The following RELN variants were observed in gnomAD, a reference collection of about 807,000 sequenced individuals.
The protein encoded by RELN is reelin.
Under a neutral mutation model 427.6 loss-of-function variants are expected in RELN, and 108 were observed. The ratio of observed to expected loss-of-function variants is 0.25; its 90% CI spans 0.22 to 0.30. The LOEUF (loss-of-function observed/expected upper bound fraction) is 0.30. RELN is among the 10% of genes least tolerant of loss of function. The probability of loss-of-function intolerance (pLI) is 1.00; values close to 1 mark genes in which losing one functional copy is unlikely to be tolerated. For missense variants in RELN, 3,715 were observed against 4,302.8 expected (o/e 0.86, Z 3.82); for synonymous variants, 1,524 against 1,513.4 (o/e 1.01, Z -0.16).
At chr7:103,919,715 C>T (rs1459656027) in intron 1 of RELN, among the ~76,000 whole-genome samples, 8 of 152,176 alleles carry the variant, frequency 5.3e-5, no homozygotes, top group South Asian at 4.1e-4. Context: ...ACTCACTTTT[C>T]AAGCACTATT....
intron 2 of RELN, among the ~76,000 whole-genome samples, chr7:103,836,453 A>G (rs1226178981): frequency 6.6e-6 from 1 of 152,190 alleles, no homozygotes. Flanking sequence ...GAACATGTCC[A>G]TCATCATAGA....
At chr7:103,472,936 G>T in intron 64 of RELN, 28 bp from the exon 65 acceptor site, 1 of 1,546,816 alleles carries the variant, frequency 6.5e-7, no homozygotes, top group Non-Finnish European at 8.9e-7. Context: ...GATAGAGGCA[G>T]GGAAGGAAAG....
At chr7:103,933,788 C>A (rs961108958) in intron 1 of RELN, among the ~76,000 whole-genome samples, 5 of 152,158 alleles carry the variant, frequency 3.3e-5, no homozygotes, top group African/African-American at 1.2e-4. Flanking sequence ...GGCTAACTTT[C>A]CAGACAACTC....
chr7:103,816,420 A>G (rs1206251985), intron 3 of RELN, among the ~76,000 whole-genome samples: 2 of 152,138 alleles, frequency 1.3e-5, no homozygotes, highest in Non-Finnish European at 2.9e-5. Flanking sequence ...GTCTAATGTA[A>G]ATAATATTTT....
intron 2 of RELN, among the ~76,000 whole-genome samples, chr7:103,858,490 G>T (rs950388247): frequency 6.6e-6 from 1 of 152,104 alleles, no homozygotes; most frequent in Non-Finnish European, 1.5e-5. Context: ...TGTAATGGGG[G>T]CTAGGAGTTA....
intron 22 of RELN, 84 bp from the exon 23 acceptor site, chr7:103,604,567 T>C (rs1831769231): frequency 1.4e-6 from 2 of 1,411,548 alleles, no homozygotes; most frequent in Non-Finnish European, 2.0e-6. Context: ...CCAAAATCTT[T>C]CAGCTAACTA....
chr7:103,503,539 G>A (rs949660246), intron 51 of RELN, among the ~76,000 whole-genome samples: 1 of 152,204 alleles, frequency 6.6e-6, no homozygotes, highest in Non-Finnish European at 1.5e-5. Context: ...TGTTAGTTGT[G>A]CTAATGGTCT....
chr7:103,542,966 A>G (rs202096086), intron 42 of RELN, 88 bp from the exon 43 acceptor site: 1 of 1,320,726 alleles, frequency 7.6e-7, no homozygotes, highest in African/African-American at 1.5e-5. Context: ...TAAATGCATT[A>G]TGTAGTTTCA....
Position 103,610,814 on chromosome 7 carries a change from G to A in RELN, c.2896-7C>T. On this transcript the variant is annotated splice_region_variant and splice_polypyrimidine_tract_variant and intron_variant, in intron 21 of 64. Coordinates refer to ENST00000428762, the MANE Select transcript of RELN (RefSeq NM_005045.4). Reference sequence around the variant, plus strand: ...GCATACTTGGAAGGCATTCCTGAAAGAAAGTTAGGCACAAATCAAACCCAG... The same window carrying A: ...GCATACTTGGAAGGCATTCCTGAAAAAAAGTTAGGCACAAATCAAACCCAG... The A allele has an allele frequency of 6.6e-7, 1 of 1,520,796 alleles. No homozygotes were observed. Among genetic ancestry groups the A allele is most frequent in the South Asian group, 1.1e-5 (1 of 89,100 alleles). The allele number at this position is 1,520,796 out of a possible 1,614,324, so 94.2% of individuals were successfully genotyped here.
At chr7:103,741,650 T>A (rs1197531816) in intron 6 of RELN, among the ~76,000 whole-genome samples, 2 of 103,134 alleles carry the variant, frequency 1.9e-5, no homozygotes, top group South Asian at 3.0e-4. Context: ...GAGGAAGAGA[T>A]GAAAGCAAGA....
intron 2 of RELN, among the ~76,000 whole-genome samples, chr7:103,907,569 G>T (rs73403957): frequency 0.023 from 3,448 of 151,650 alleles, 142 homozygotes; most frequent in African/African-American, 0.079. Context: ...AGAATAGAGA[G>T]TGACTGCTAA....
Position 103,856,838 on chromosome 7 carries a change from T to C in RELN, c.338-23166A>G, listed in dbSNP as rs184393734. 1.9e-3 allele frequency among the ~76,000 whole-genome samples: 282 copies of C among 152,238 alleles called. 2 individuals are homozygous for C. The highest frequency in any genetic ancestry group is 6.5e-3 in the African/African-American group (272 of 41,556). On this transcript the variant is annotated intron_variant, in intron 2 of 64. Transcript: ENST00000428762. ...AATTTTTTTATCATGCATGCATAAT[T>C]ATATATTTGTCGATTTATGTACTTT...
chr7:103,532,115 A>G (rs1299247640), intron 46 of RELN, among the ~76,000 whole-genome samples: 1 of 145,930 alleles, frequency 6.9e-6, no homozygotes, highest in Non-Finnish European at 1.5e-5. Flanking sequence ...CAGCCATAAA[A>G]AGGAATGAGA....
rs749708758 is a variant in RELN at position 103,630,181 on chromosome 7, A to AG, written c.2466-6dup. 5 of 1,582,358 alleles carry AG rather than the reference A, an allele frequency of 3.2e-6. No homozygotes were observed. In the African/African-American group the frequency reaches 5.4e-5, roughly 17 times the overall value. The stretch of plus-strand genomic sequence containing the variant: ...GGTAGTTCTACGGAGATTATTCTAG[A>AG]GAAAAAAAAAAAGTCAAAATTTAGA... On this transcript the variant is annotated splice_region_variant and splice_polypyrimidine_tract_variant and intron_variant, in intron 19 of 64. Transcript: ENST00000428762.
chr7:103,802,031 G>A (rs1285223059), intron 3 of RELN, among the ~76,000 whole-genome samples: 4 of 152,168 alleles, frequency 2.6e-5, no homozygotes, highest in Non-Finnish European at 4.4e-5. Flanking sequence ...ACATAGTTAA[G>A]TGTCAGTATA....
At chr7:103,607,744 C>T (rs117290808) in intron 22 of RELN, among the ~76,000 whole-genome samples, 175 of 152,302 alleles carry the variant, frequency 1.1e-3, no homozygotes, top group Non-Finnish European at 1.7e-3. Context: ...TGAAGGCTGA[C>T]TAAATTGTAT....
At chr7:103,536,725 C>T (rs1307108033) in intron 45 of RELN, among the ~76,000 whole-genome samples, 1 of 152,218 alleles carries the variant, frequency 6.6e-6, no homozygotes, top group Non-Finnish European at 1.5e-5. Flanking sequence ...TATTCTGACT[C>T]CTTTGCAAGT....
intron 6 of RELN, among the ~76,000 whole-genome samples, chr7:103,742,399 G>A (rs1211257670): frequency 6.6e-6 from 1 of 152,136 alleles, no homozygotes; most frequent in Non-Finnish European, 1.5e-5. Context: ...ACCAGTAACG[G>A]AACAAAACTG....
intron 1 of RELN, among the ~76,000 whole-genome samples, chr7:103,965,942 C>T (rs144413497): frequency 1.3e-3 from 197 of 152,174 alleles, no homozygotes; most frequent in African/African-American, 4.5e-3. Flanking sequence ...ATGTTTACCA[C>T]GTCAAAATCT....
Sources: allele counts gnomAD v4.1 joint callset (sites outside exome capture counted in the v4.1 genomes callset), GRCh38; gene constraint gnomAD v4.1.1; transcripts MANE v1.5; gene names NCBI Gene and HGNC (gene_info 2026-07-23, HGNC 2026-07-21).